MAP2K5: variants seen among roughly 807,000 people sequenced by gnomAD.
MAP2K5 encodes dual specificity mitogen-activated protein kinase kinase 5.
Under a neutral mutation model 83.1 loss-of-function variants are expected in MAP2K5, and 49 were observed. The ratio of observed to expected loss-of-function variants is 0.59; its 90% confidence interval spans 0.47 to 0.75. The LOEUF (loss-of-function observed/expected upper bound fraction) is 0.75, where lower values mean the gene tolerates loss of function less well. Ranked by LOEUF, MAP2K5 falls within the 30% of genes least tolerant of loss-of-function variation. MAP2K5 has a pLI of 0.00. For missense variants in MAP2K5, 457 were observed against 557.5 expected (o/e 0.82, Z 1.82); for synonymous variants, 202 against 191.8 (o/e 1.05, Z -0.44).
rs1261888927 is a variant in MAP2K5 at position 67,724,836 on chromosome 15, T to C, written c.1045-3080T>C. On this transcript the variant is annotated intron_variant, in intron 16 of 21. Coordinates refer to ENST00000178640, the MANE Select transcript of MAP2K5 (RefSeq NM_145160.3). The surrounding 1 kb of genome is among the most constrained non-coding windows in gnomAD (Gnocchi z 4.4). The stretch of plus-strand genomic sequence containing the variant: ...TAATAGTGCACTTGCCAGTTTTCAC[T>C]GGCATAGATTCCCAAGTCTTTCAAC... Among the ~76,000 whole-genome samples, 1 of 152,222 alleles carries C rather than the reference T, an allele frequency of 6.6e-6. No individual in the cohort carries two copies. The highest frequency in any genetic ancestry group is 1.9e-4 in the East Asian group (1 of 5,194).
intron 8 of MAP2K5, among the ~76,000 whole-genome samples, chr15:67,605,814 G>A (rs1195504592): frequency 2.6e-5 from 4 of 152,182 alleles, no homozygotes; most frequent in Non-Finnish European, 4.4e-5. Flanking sequence ...TGAGAATGAG[G>A]CAAGTGGAGG....
rs2084322212 is a variant in MAP2K5 at position 67,542,900 on chromosome 15, C to T, written c.-436C>T. 5.7e-6 allele frequency: 1 copy of T among 175,050 alleles called. No homozygotes were observed. Among genetic ancestry groups the T allele is most frequent in the Non-Finnish European group, 1.2e-5 (1 of 81,676 alleles). 10.8% of individuals were successfully genotyped at this position (175,050 alleles called of 1,614,324 possible). On this transcript the variant is annotated 5_prime_UTR_variant, in exon 1 of 22. Coordinates refer to ENST00000178640, the MANE Select transcript of MAP2K5 (RefSeq NM_145160.3). Reference sequence around the variant, plus strand: ...GGCCCTGGGGCTCTTTCTTAATAGCCCCGGACTGAGTCCCCTCCAGTCGAG... The same window carrying T: ...GGCCCTGGGGCTCTTTCTTAATAGCTCCGGACTGAGTCCCCTCCAGTCGAG...
chr15:67,734,983 A>G (rs532386976), intron 17 of MAP2K5, among the ~76,000 whole-genome samples: 3 of 152,326 alleles, frequency 2.0e-5, no homozygotes, highest in Non-Finnish European at 4.4e-5. Flanking sequence ...TGTCCTCACT[A>G]TTTAGGATAT....
At position 67,777,064 on chromosome 15, in the gene MAP2K5, T is replaced by C. The variant is rs1175362731; in HGVS notation, c.1242+4312T>C. On this transcript the variant is annotated intron_variant, in intron 21 of 21. Transcript: ENST00000178640. The surrounding 1 kb of genome is among the most constrained non-coding windows in gnomAD (Gnocchi z 6.0). ...CAAAGGGGACCCTGACCCTCAATGA[T>C]TGTTAAGCTCCCTTGCTTCTGTCCT... Among the ~76,000 whole-genome samples the C allele has an allele frequency of 1.3e-5, 2 of 152,236 alleles. No homozygotes were observed. Among genetic ancestry groups the C allele is most frequent in the Non-Finnish European group, 2.9e-5 (2 of 68,034 alleles).
intron 3 of MAP2K5, among the ~76,000 whole-genome samples, chr15:67,571,905 G>A (rs2084954678): frequency 6.6e-6 from 1 of 152,198 alleles, no homozygotes; most frequent in Non-Finnish European, 1.5e-5. Flanking sequence ...TGGGGGTGCA[G>A]TGAGCGTACA....
At chr15:67,554,875 G>A (rs371686872) in intron 2 of MAP2K5, among the ~76,000 whole-genome samples, 2 of 152,310 alleles carry the variant, frequency 1.3e-5, no homozygotes, top group African/African-American at 4.8e-5. Context: ...AGTAATTTGC[G>A]TTTTTGGATT....
In MAP2K5 at chr15:67,552,370, GA is replaced by G. The variant is rs751928061; in HGVS notation, c.184+2289del. ...ACATTCGGAGTACTTACTGTTGACA[GA>G]TGCTTTGCTAAGAGCATTCCATGGG... On this transcript the variant is annotated intron_variant, in intron 2 of 21. Transcript: ENST00000178640. The surrounding 1 kb of genome is among the most constrained non-coding windows in gnomAD (Gnocchi z 4.2). Among the ~76,000 whole-genome samples, 6 of 152,188 alleles carry G rather than the reference GA, an allele frequency of 3.9e-5. No homozygotes were observed. The highest frequency in any genetic ancestry group is 8.8e-5 in the Non-Finnish European group (6 of 68,036).
chr15:67,789,716 A>C (rs74754776), intron 21 of MAP2K5, among the ~76,000 whole-genome samples: 4 of 145,400 alleles, frequency 2.8e-5, no homozygotes, highest in Admixed American at 6.9e-5. Flanking sequence ...ACTCTGTTTC[A>C]AAAAAAAAAA....
chr15:67,672,512 G>GT (rs1235260494), intron 13 of MAP2K5, among the ~76,000 whole-genome samples: 3 of 149,376 alleles, frequency 2.0e-5, no homozygotes, highest in South Asian at 2.1e-4. Context: ...GGGGTTGTTT[G>GT]TTTTTTTCTT....
chr15:67,601,888 G>GT (rs1450628876), intron 8 of MAP2K5, among the ~76,000 whole-genome samples: 1 of 152,240 alleles, frequency 6.6e-6, no homozygotes, highest in Non-Finnish European at 1.5e-5. Context: ...CAAGATGTGA[G>GT]TCCTTTCTCC....
chr15:67,562,035 A>G lies in MAP2K5; in HGVS notation c.185-1248A>G, dbSNP rs1005332743. Among the ~76,000 whole-genome samples, 13 of 152,218 alleles carry G rather than the reference A, an allele frequency of 8.5e-5. No individual in the cohort carries two copies. The highest frequency in any genetic ancestry group is 7.7e-4 in the East Asian group (4 of 5,194). Reference sequence around the variant, plus strand: ...GGCTTGGGATCAGAACAGTCTTTCTATATGATCAAATCAGCAATTATATGC... The same window carrying G: ...GGCTTGGGATCAGAACAGTCTTTCTGTATGATCAAATCAGCAATTATATGC... On this transcript the variant is annotated intron_variant, in intron 2 of 21. Transcript: ENST00000178640. This position sits in a 1 kb window ranked among gnomAD's most constrained non-coding sequence, Gnocchi z 4.1.
At chr15:67,772,302 T>C (rs10518745) in intron 20 of MAP2K5, among the ~76,000 whole-genome samples, 15,064 of 152,236 alleles carry the variant, frequency 0.099, 842 homozygotes, top group South Asian at 0.21. Flanking sequence ...CTTACTGTCT[T>C]ATCCCAATTA....
intron 9 of MAP2K5, among the ~76,000 whole-genome samples, chr15:67,643,321 C>T (rs1230374086): frequency 6.6e-6 from 1 of 152,092 alleles, no homozygotes; most frequent in Non-Finnish European, 1.5e-5. Context: ...TACACAAAAA[C>T]AAAAATGTAA....
chr15:67,543,116 C>G lies in MAP2K5; in HGVS notation c.-220C>G. The G allele has an allele frequency of 1.7e-6, 1 of 580,004 alleles. No homozygotes were observed. The highest frequency in any genetic ancestry group is 2.9e-5 in the East Asian group (1 of 34,912). The allele number at this position is 580,004 out of a possible 1,614,324, so 35.9% of individuals were successfully genotyped here. A position where few individuals can be genotyped will look rare whatever the true frequency, so the allele number is the denominator to read the frequency against. The stretch of plus-strand genomic sequence containing the variant: ...TTTGCCCGCTTCCCGGTGCACCCTC[C>G]CCGGGAGACACCTCAGACCCCCGAC... On this transcript the variant is annotated 5_prime_UTR_variant, in exon 1 of 22. Coordinates refer to ENST00000178640, the MANE Select transcript of MAP2K5 (RefSeq NM_145160.3). This position sits in a 1 kb window ranked among gnomAD's most constrained non-coding sequence, Gnocchi z 4.3.
chr15:67,704,960 G>C lies in MAP2K5; in HGVS notation c.1044+1552G>C, dbSNP rs934955885. Among the ~76,000 whole-genome samples the C allele has an allele frequency of 6.6e-5, 10 of 152,122 alleles. 1 individual carries two copies. Among genetic ancestry groups the C allele is most frequent in the Admixed American group, 6.5e-4 (10 of 15,270 alleles). On this transcript the variant is annotated intron_variant, in intron 16 of 21. Coordinates refer to ENST00000178640, the MANE Select transcript of MAP2K5 (RefSeq NM_145160.3). Reference sequence around the variant, plus strand: ...TTCCAGGTTTGCTACTAGTTTTTTAGGTGACCCTGTGGAAGCCACTGTTCT... The same window carrying C: ...TTCCAGGTTTGCTACTAGTTTTTTACGTGACCCTGTGGAAGCCACTGTTCT...
chr15:67,608,380 A>G (rs1355785380), intron 8 of MAP2K5, among the ~76,000 whole-genome samples: 1 of 152,198 alleles, frequency 6.6e-6, no homozygotes, highest in Admixed American at 6.5e-5. Context: ...CCAGCAGCCA[A>G]GTTCTGAGCA....
intron 15 of MAP2K5, among the ~76,000 whole-genome samples, chr15:67,693,923 T>G (rs1421507398): frequency 1.3e-5 from 2 of 152,118 alleles, no homozygotes; most frequent in Non-Finnish European, 2.9e-5. Context: ...TAAAATTGTT[T>G]TTTTTTTTTC....
intron 11 of MAP2K5, among the ~76,000 whole-genome samples, chr15:67,648,207 C>T (rs1004604185): frequency 1.3e-5 from 2 of 152,122 alleles, no homozygotes; most frequent in Non-Finnish European, 2.9e-5. Context: ...AAGAGACTTC[C>T]TACCTATTAG....
Position 67,677,422 on chromosome 15 carries a change from T to C in MAP2K5, c.847+12777T>C, listed in dbSNP as rs1057160610. Among the ~76,000 whole-genome samples the C allele has an allele frequency of 2.0e-5, 3 of 152,238 alleles. No individual in the cohort carries two copies. The highest frequency in any genetic ancestry group is 1.3e-4 in the Admixed American group (2 of 15,274). ...AATGCACTTAGCCCAGTTCCTGGTA[T>C]ATATTAAGTGCCAAGTAAGTGTTAT... On this transcript the variant is annotated intron_variant, in intron 13 of 21. Transcript: ENST00000178640. This position sits in a 1 kb window ranked among gnomAD's most constrained non-coding sequence, Gnocchi z 4.2.
Sources: gnomAD v4.1 joint callset for allele counts (sites outside exome capture counted in the v4.1 genomes callset) on GRCh38, gnomAD v4.1.1 for gene constraint, Gnocchi (gnomAD v3.1) non-coding constraint, MANE v1.5 for transcripts, NCBI Gene and HGNC (gene_info 2026-07-23, HGNC 2026-07-21) for gene names.